Variants in PLXNA4 observed in about 807,000 individuals in gnomAD.
PLXNA4 encodes the protein plexin-A4.
In PLXNA4, 44 loss-of-function variants were observed where a neutral mutation model predicts 191.8. That is an observed-to-expected ratio of 0.23 (90% CI 0.18 to 0.29). The LOEUF (loss-of-function observed/expected upper bound fraction) is 0.29. Ranked by LOEUF, PLXNA4 falls within the 10% of genes least tolerant of loss-of-function variation. The pLI is 1.00. For missense variants in PLXNA4, 1,800 were observed against 2,488.8 expected (o/e 0.72, Z 5.89); for synonymous variants, 1,082 against 1,009.5 (o/e 1.07, Z -1.36).
chr7:132,287,302 C>A (rs1320133992), intron 4 of PLXNA4, among the ~76,000 whole-genome samples: 1 of 152,148 alleles, frequency 6.6e-6, no homozygotes, highest in Non-Finnish European at 1.5e-5. Flanking sequence ...TCCCAAAGTG[C>A]TAGGATTAAC....
intron 3 of PLXNA4, among the ~76,000 whole-genome samples, chr7:132,388,548 G>T (rs1187173094): frequency 6.6e-6 from 1 of 152,066 alleles, no homozygotes; most frequent in Non-Finnish European, 1.5e-5. Flanking sequence ...AAAAAAAAAG[G>T]TCTCCTTATT....
At chr7:132,265,801 A>T (rs1799830327) in intron 4 of PLXNA4, among the ~76,000 whole-genome samples, 1 of 152,200 alleles carries the variant, frequency 6.6e-6, no homozygotes, top group African/African-American at 2.4e-5. Context: ...CATTCTGAGC[A>T]GTCATCTAGA....
At chr7:132,244,808 C>T (rs1296454336) in intron 4 of PLXNA4, among the ~76,000 whole-genome samples, 2 of 152,218 alleles carry the variant, frequency 1.3e-5, no homozygotes, top group Non-Finnish European at 2.9e-5. Context: ...AGAAGTTTTT[C>T]TAATACTTTA....
At chr7:132,389,509 A>G (rs1401052374) in intron 3 of PLXNA4, among the ~76,000 whole-genome samples, 1 of 152,180 alleles carries the variant, frequency 6.6e-6, no homozygotes, top group Non-Finnish European at 1.5e-5. Context: ...TCCCAACACC[A>G]TTTATTAAAT....
chr7:132,561,952 TCTC>T (rs538283425), intron 1 of PLXNA4, among the ~76,000 whole-genome samples: 80 of 99,784 alleles, frequency 8.0e-4, no homozygotes, highest in East Asian at 1.5e-3. Context: ...CCCTCCTCTT[TCTC>T]CTCCTCCTCC....
At chr7:132,419,337 C>T (rs1434814132) in intron 3 of PLXNA4, among the ~76,000 whole-genome samples, 1 of 152,156 alleles carries the variant, frequency 6.6e-6, no homozygotes, top group Non-Finnish European at 1.5e-5. Context: ...GAACTGCTCC[C>T]TTGACCACAG....
At chr7:132,332,084 A>C (rs1246884873) in intron 3 of PLXNA4, among the ~76,000 whole-genome samples, 1 of 152,210 alleles carries the variant, frequency 6.6e-6, no homozygotes, top group Non-Finnish European at 1.5e-5. Context: ...TTAACAATAA[A>C]GTCATTGTTC....
chr7:132,554,557 G>C (rs1455904151), intron 1 of PLXNA4, among the ~76,000 whole-genome samples: 1 of 152,142 alleles, frequency 6.6e-6, no homozygotes, highest in Non-Finnish European at 1.5e-5. Context: ...CAGCTTAATC[G>C]TTTGTCATCA....
intron 3 of PLXNA4, among the ~76,000 whole-genome samples, chr7:132,449,658 A>G (rs949971052): frequency 1.3e-5 from 2 of 152,188 alleles, no homozygotes; most frequent in Non-Finnish European, 2.9e-5. Context: ...GACTGCCACC[A>G]TTGGTCATGC....
chr7:132,436,974 C>T (rs1795494936), intron 3 of PLXNA4, among the ~76,000 whole-genome samples: 1 of 152,192 alleles, frequency 6.6e-6, no homozygotes, highest in Non-Finnish European at 1.5e-5. Context: ...TTGGATATGA[C>T]TGGGCTTTCC....
intron 2 of PLXNA4, among the ~76,000 whole-genome samples, chr7:132,622,814 G>C (rs959449803): frequency 6.6e-6 from 1 of 152,268 alleles, no homozygotes; most frequent in East Asian, 1.9e-4. Context: ...AGCTGCCCTC[G>C]AGCTCAGGGC....
chr7:132,131,849 C>T (rs549014269), intron 31 of PLXNA4, among the ~76,000 whole-genome samples: 33 of 152,346 alleles, frequency 2.2e-4, no homozygotes, highest in African/African-American at 7.7e-4. Context: ...CTAAGGGACC[C>T]AGCACTGGCT....
At chr7:132,567,338 G>A (rs1460743176) in intron 1 of PLXNA4, among the ~76,000 whole-genome samples, 1 of 119,526 alleles carries the variant, frequency 8.4e-6, no homozygotes, top group Non-Finnish European at 1.6e-5. Context: ...AACCCATAGT[G>A]AGTTTTACAC....
chr7:132,179,624 GCATGCACACA>G, intron 20 of PLXNA4, 53 bp downstream of exon 20: 1 of 1,574,316 alleles, frequency 6.4e-7, no homozygotes, highest in East Asian at 2.3e-5. Flanking sequence ...ACACAGATGT[GCATGCACACA>G]CATATGCACA....
chr7:132,384,309 T>A (rs1380790522), intron 3 of PLXNA4: 44 of 985,276 alleles, frequency 4.5e-5, no homozygotes, highest in Non-Finnish European at 5.3e-5. Flanking sequence ...TAATTTTACA[T>A]CTTGCCTTCA....
At chr7:132,402,907 A>C (rs1177369004) in intron 3 of PLXNA4, among the ~76,000 whole-genome samples, 3 of 152,250 alleles carry the variant, frequency 2.0e-5, no homozygotes, top group Admixed American at 6.5e-5. Context: ...CCCAATCCAG[A>C]GAGCTAGTGT....
intron 3 of PLXNA4, among the ~76,000 whole-genome samples, chr7:132,418,554 C>A (rs1293013742): frequency 6.6e-6 from 1 of 152,182 alleles, no homozygotes; most frequent in Non-Finnish European, 1.5e-5. Flanking sequence ...GAACATGAAG[C>A]TTGGCTAAGA....
intron 3 of PLXNA4, among the ~76,000 whole-genome samples, chr7:132,482,919 C>T (rs1797394531): frequency 6.6e-6 from 1 of 152,040 alleles, no homozygotes; most frequent in Non-Finnish European, 1.5e-5. Flanking sequence ...TCTTGAACTC[C>T]TGACCTCATG....
chr7:132,411,941 C>T (rs1239804833), intron 3 of PLXNA4, among the ~76,000 whole-genome samples: 1 of 152,160 alleles, frequency 6.6e-6, no homozygotes, highest in African/African-American at 2.4e-5. Flanking sequence ...CTCCTGCCTG[C>T]CCCTCCAAAC....
Sources: allele counts gnomAD v4.1 joint callset (sites outside exome capture counted in the v4.1 genomes callset), GRCh38; gene constraint gnomAD v4.1.1; transcripts MANE v1.5; gene names NCBI Gene and HGNC (gene_info 2026-07-23, HGNC 2026-07-21).